MFF: variants seen among roughly 807,000 people sequenced by gnomAD.
MFF encodes mitochondrial fission factor.
MFF carries 12 observed loss-of-function variants against 36.9 expected under a neutral mutation model. The ratio of observed to expected loss-of-function variants is 0.33; its 90% CI spans 0.21 to 0.53. The LOEUF (loss-of-function observed/expected upper bound fraction) is 0.53. Ranked by LOEUF, MFF falls within the 20% of genes least tolerant of loss-of-function variation. The pLI, the probability that MFF is intolerant of heterozygous loss-of-function variation, is 0.95. For missense variants in MFF, 348 were observed against 366.6 expected (o/e 0.95, Z 0.42); for synonymous variants, 99 against 126.2 (o/e 0.78, Z 1.44).
intron 5 of MFF, among the ~76,000 whole-genome samples, chr2:227,341,796 C>A (rs1394668612): frequency 6.6e-6 from 1 of 151,952 alleles, no homozygotes; most frequent in East Asian, 1.9e-4. Flanking sequence ...TAAGCTTTTC[C>A]ACTTTATAAA....
intron 6 of MFF, among the ~76,000 whole-genome samples, chr2:227,350,936 T>C (rs145169127): frequency 6.6e-6 from 1 of 152,188 alleles, no homozygotes; most frequent in African/African-American, 2.4e-5. Context: ...CAATTGCCAG[T>C]GTGAGAAGAC....
chr2:227,353,897 C>A (rs1317902310), intron 7 of MFF, among the ~76,000 whole-genome samples: 1 of 152,004 alleles, frequency 6.6e-6, no homozygotes, highest in Non-Finnish European at 1.5e-5. Context: ...CTAATTATTC[C>A]TCTGTTATGT....
chr2:227,347,021 T>C lies in MFF; in HGVS notation c.441-205T>C. ...AGTTTATTTATTTTGATGTTTAGGGTTACAAAGTTATAAGTGCTGCCTTGT... is the reference window on the plus strand; with the variant it reads ...AGTTTATTTATTTTGATGTTTAGGGCTACAAAGTTATAAGTGCTGCCTTGT... On this transcript the variant is annotated intron_variant, in intron 5 of 8. Transcript: ENST00000304593. 8.5e-6 allele frequency: 4 copies of C among 471,920 alleles called. No individual in the cohort carries two copies. In the East Asian group the frequency reaches 1.3e-4, roughly 15 times the overall value. 29.2% of individuals were successfully genotyped at this position (471,920 alleles called of 1,614,324 possible). A position where few individuals can be genotyped will look rare whatever the true frequency, so the allele number is the denominator to read the frequency against.
Position 227,347,255 on chromosome 2 carries a change from T to C in MFF, c.470T>C (p.Val157Ala), listed in dbSNP as rs746938741. Reference sequence around the variant, plus strand: ...ACACCATCGCCACAACAGGCTCGGGTCTGTCCTCCCCATATGTTACCTGAA... The same window carrying C: ...ACACCATCGCCACAACAGGCTCGGGCCTGTCCTCCCCATATGTTACCTGAA... ...LVTPSPQQAR[V>A]CPPHMLPEDG... Residue 157 changes from valine to alanine, a missense_variant, in exon 6 of 9, where the codon GTC (valine) becomes GCC (alanine). Val to Ala is a moderately conservative substitution (Grantham distance 64, BLOSUM62 0). Coordinates refer to ENST00000304593, the MANE Select transcript of MFF (RefSeq NM_001277062.2). 37 of 1,613,592 alleles carry C rather than the reference T, an allele frequency of 2.3e-5. No homozygotes were observed. The highest frequency in any genetic ancestry group is 3.1e-5 in the Non-Finnish European group (37 of 1,179,748).
intron 2 of MFF, chr2:227,329,628 G>A (rs1270240300): frequency 1.4e-6 from 1 of 735,322 alleles, no homozygotes; most frequent in Non-Finnish European, 2.5e-6. Context: ...TGTCCGTGTT[G>A]TTATGTACAC....
At chr2:227,333,817 C>T (rs1388237626) in intron 4 of MFF, among the ~76,000 whole-genome samples, 2 of 152,178 alleles carry the variant, frequency 1.3e-5, no homozygotes, top group Non-Finnish European at 2.9e-5. Context: ...GAAAGAAATG[C>T]TCCTTATTGT....
At chr2:227,347,202 C>T in intron 5 of MFF, 24 bp from the exon 6 acceptor site, 2 of 1,598,964 alleles carry the variant, frequency 1.3e-6, no homozygotes, top group Non-Finnish European at 1.7e-6. Flanking sequence ...TTTTTCTCTT[C>T]ATTTGCTGTG....
At chr2:227,351,011 C>T (rs907512084) in intron 6 of MFF, among the ~76,000 whole-genome samples, 1 of 152,098 alleles carries the variant, frequency 6.6e-6, no homozygotes, top group Admixed American at 6.6e-5. Flanking sequence ...AAAGGGAAAT[C>T]TCTGTGGTGG....
At chr2:227,333,194 T>C (rs754511653) in intron 4 of MFF, among the ~76,000 whole-genome samples, 26 of 152,260 alleles carry the variant, frequency 1.7e-4, no homozygotes, top group Non-Finnish European at 3.4e-4. Context: ...ACTTCTAACA[T>C]GTTGTCATGA....
chr2:227,330,494 T>C, intron 2 of MFF, 132 bp from the exon 3 acceptor site: 1 of 593,720 alleles, frequency 1.7e-6, no homozygotes. Context: ...ATTTTTGCTT[T>C]GTATGTGTTC....
At position 227,340,393 on chromosome 2, in the gene MFF, A is replaced by G; in HGVS notation, c.440+13A>G. 1 of 1,437,140 alleles carries G rather than the reference A, an allele frequency of 7.0e-7. No individual in the cohort carries two copies. The highest frequency in any genetic ancestry group is 9.4e-7 in the Non-Finnish European group (1 of 1,064,490). The allele number at this position is 1,437,140 out of a possible 1,614,324, so 89.0% of individuals were successfully genotyped here. A position where few individuals can be genotyped will look rare whatever the true frequency, so the allele number is the denominator to read the frequency against. On this transcript the variant is annotated intron_variant, in intron 5 of 8. Coordinates refer to ENST00000304593, the MANE Select transcript of MFF (RefSeq NM_001277062.2). ...GAAATGATTCTCTGTGAGTAGAAGC[A>G]CTAGCATTTTATCTCGTTTGTAAGT...
Position 227,357,214 on chromosome 2 carries a change from A to G in MFF, c.*97A>G. The G allele has an allele frequency of 7.7e-7, 1 of 1,299,780 alleles. No homozygotes were observed. The highest frequency in any genetic ancestry group is 1.1e-6 in the Non-Finnish European group (1 of 932,476). The allele number at this position is 1,299,780 out of a possible 1,614,324, so 80.5% of individuals were successfully genotyped here. A position where few individuals can be genotyped will look rare whatever the true frequency, so the allele number is the denominator to read the frequency against. ...CTGTCTCTGCATTGTATGCCATTTTATAGTCCACACCCTGAAAATGTATTT... is the reference window on the plus strand; with the variant it reads ...CTGTCTCTGCATTGTATGCCATTTTGTAGTCCACACCCTGAAAATGTATTT... On this transcript the variant is annotated 3_prime_UTR_variant, in exon 9 of 9. Transcript: ENST00000304593.
chr2:227,326,976 G>T lies in MFF; in HGVS notation c.-153+1549G>T, dbSNP rs562161332. On this transcript the variant is annotated intron_variant, in intron 1 of 8. Transcript: ENST00000304593. Reference sequence around the variant, plus strand: ...CCCAAAATTGGTACACTTTCCGCTAGTGGCATGTGACTTGACTCTAGGCGG... The same window carrying T: ...CCCAAAATTGGTACACTTTCCGCTATTGGCATGTGACTTGACTCTAGGCGG... Among the ~76,000 whole-genome samples, 5 of 152,286 alleles carry T rather than the reference G, an allele frequency of 3.3e-5. No homozygotes were observed. In the South Asian group the frequency reaches 1.0e-3, roughly 32 times the overall value.
intron 7 of MFF, among the ~76,000 whole-genome samples, chr2:227,352,863 A>T (rs993459548): frequency 1.3e-5 from 2 of 152,202 alleles, no homozygotes; most frequent in Non-Finnish European, 2.9e-5. Flanking sequence ...TTACATGCTA[A>T]AACAGAAAAA....
intron 2 of MFF, 82 bp from the exon 3 acceptor site, chr2:227,330,544 A>G (rs371209415): frequency 3.5e-6 from 3 of 861,290 alleles, no homozygotes; most frequent in South Asian, 1.8e-5. Context: ...CTCTTTCTAT[A>G]AGGTATTGTC....
chr2:227,353,745 T>C (rs957511952), intron 7 of MFF, among the ~76,000 whole-genome samples: 1 of 152,224 alleles, frequency 6.6e-6, no homozygotes, highest in Non-Finnish European at 1.5e-5. Context: ...CATATCCTTA[T>C]ATTTCTTTGC....
rs539899131 is a variant in MFF at position 227,334,696 on chromosome 2, A to G, written c.351+2108A>G. 7.6e-4 allele frequency among the ~76,000 whole-genome samples: 116 copies of G among 152,154 alleles called. 1 individual carries two copies. Among genetic ancestry groups the G allele is most frequent in the Non-Finnish European group, 1.3e-3 (87 of 68,014 alleles). On this transcript the variant is annotated intron_variant, in intron 4 of 8. Coordinates refer to ENST00000304593, the MANE Select transcript of MFF (RefSeq NM_001277062.2). ...GGTGAGAGCCACCTTTTTGCACTGT[A>G]GAATGTTTGCAACATTTGTGATCTC...
At chr2:227,340,564 A>T in intron 5 of MFF, 184 bp downstream of exon 5, 1 of 549,466 alleles carries the variant, frequency 1.8e-6, no homozygotes, top group South Asian at 2.1e-5. Flanking sequence ...AGAATTTTTC[A>T]GTCACCTTAT....
chr2:227,350,085 C>T (rs1469812254), intron 6 of MFF, among the ~76,000 whole-genome samples: 1 of 151,924 alleles, frequency 6.6e-6, no homozygotes, highest in African/African-American at 2.4e-5. Context: ...TTTTTTCTTA[C>T]AAGAATGTAG....
Sources: gnomAD v4.1 joint callset for allele counts (sites outside exome capture counted in the v4.1 genomes callset) on GRCh38, gnomAD v4.1.1 for gene constraint, MANE v1.5 for transcripts, NCBI Gene and HGNC (gene_info 2026-07-23, HGNC 2026-07-21) for gene names.